MYO16: variants seen among roughly 807,000 people sequenced by gnomAD.
The protein encoded by MYO16 is myosin XVI.
In MYO16, 94 loss-of-function variants were observed where a neutral mutation model predicts 205.3. That is an observed-to-expected ratio of 0.46 (90% CI 0.39 to 0.54). The LOEUF is 0.54. Among genes scored for constraint, MYO16 ranks in the 20% least tolerant of loss-of-function variants. The pLI is 0.00. For synonymous variants in MYO16, 988 were observed against 954.0 expected (o/e 1.04, Z -0.66); for missense variants, 2,315 against 2,387.5 (o/e 0.97, Z 0.63).
In MYO16 at chr13:108,631,911, C is replaced by G. The variant is rs143439552; in HGVS notation, c.28+2039C>G. Among the ~76,000 whole-genome samples, 1,068 of 152,066 alleles carry G rather than the reference C, an allele frequency of 7.0e-3. 38 individuals are homozygous for G. Among genetic ancestry groups the G allele is most frequent in the Non-Finnish European group, 1.6e-3 (106 of 67,976 alleles). On this transcript the variant is annotated intron_variant, in intron 1 of 34. Transcript: ENST00000457511. ...TGGCCAACATAGTGAAACCCTGTCTCTACTAAAAATACAAAATTTTGCTGG... is the reference window on the plus strand; with the variant it reads ...TGGCCAACATAGTGAAACCCTGTCTGTACTAAAAATACAAAATTTTGCTGG...
intron 16 of MYO16, among the ~76,000 whole-genome samples, chr13:108,944,099 T>G (rs1882842415): frequency 1.3e-5 from 2 of 152,254 alleles, no homozygotes; most frequent in Admixed American, 1.3e-4. Context: ...CAGGGTATTG[T>G]ACTTCTGACT....
At position 108,601,864 on chromosome 13, in the gene MYO16, G is replaced by A. The variant is rs139265160; in HGVS notation, c.-39+5625G>A. On this transcript the variant is annotated intron_variant, in intron 1 of 24. Coordinates refer to the MYO16 transcript ENST00000251041. ...CATTTCCTCAGGCCTCTCAATTTGG[G>A]AGAGTGTGACTTTGAAATTGGTGCT... Among the ~76,000 whole-genome samples, 596 of 152,124 alleles carry A rather than the reference G, an allele frequency of 3.9e-3. 15 individuals are homozygous for A. The South Asian group carries it at 0.076, about 19-fold the overall frequency.
intron 27 of MYO16, among the ~76,000 whole-genome samples, chr13:109,098,978 G>A (rs1027761123): frequency 6.6e-6 from 1 of 152,004 alleles, no homozygotes; most frequent in Admixed American, 6.6e-5. Flanking sequence ...AATGTCAAAC[G>A]ACCCTAGAAT....
At chr13:109,150,637 C>A (rs1038106927) in intron 32 of MYO16, among the ~76,000 whole-genome samples, 11 of 152,180 alleles carry the variant, frequency 7.2e-5, no homozygotes, top group Admixed American at 7.2e-4. Context: ...ACAAAGAAGC[C>A]TTTACAACCG....
At chr13:108,838,239 G>A (rs921670373) in intron 9 of MYO16, among the ~76,000 whole-genome samples, 1 of 151,892 alleles carries the variant, frequency 6.6e-6, no homozygotes, top group Non-Finnish European at 1.5e-5. Flanking sequence ...ACTTTATAAT[G>A]TTGTTGTGAA....
chr13:108,584,761 G>A, the MYO16 span, among the ~76,000 whole-genome samples: 2 of 152,146 alleles, frequency 1.3e-5, no homozygotes, highest in African/African-American at 4.8e-5. Context: ...TCAGGTACAT[G>A]TCTGTTAGAG....
At chr13:108,873,157 C>A (rs1172163402) in intron 12 of MYO16, among the ~76,000 whole-genome samples, 6 of 152,082 alleles carry the variant, frequency 3.9e-5, no homozygotes, top group Admixed American at 3.3e-4. Flanking sequence ...TGTATTATGT[C>A]TGTTGTTTTA....
chr13:108,711,481 T>C (rs1446173144), intron 2 of MYO16, among the ~76,000 whole-genome samples: 2 of 152,230 alleles, frequency 1.3e-5, no homozygotes, highest in Non-Finnish European at 2.9e-5. Context: ...GTGGCCAGGA[T>C]GCACGGGGCA....
chr13:108,711,839 T>A (rs1346058088), intron 2 of MYO16, among the ~76,000 whole-genome samples: 3 of 152,184 alleles, frequency 2.0e-5, no homozygotes, highest in African/African-American at 7.2e-5. Context: ...AAAGAGTAAT[T>A]GTTGCTTTAA....
intron 23 of MYO16, among the ~76,000 whole-genome samples, chr13:109,023,787 C>T (rs1886253055): frequency 7.9e-6 from 1 of 126,480 alleles, no homozygotes; most frequent in African/African-American, 2.8e-5. Context: ...ATATTATATG[C>T]ATATTCTACA....
intron 5 of MYO16, among the ~76,000 whole-genome samples, chr13:108,789,974 A>G (rs953907347): frequency 5.3e-5 from 8 of 152,190 alleles, no homozygotes; most frequent in Non-Finnish European, 1.2e-4. Flanking sequence ...AAGGCATCAC[A>G]GAAGTGTCAC....
intron 4 of MYO16, among the ~76,000 whole-genome samples, chr13:108,746,839 A>G (rs1885079453): frequency 6.6e-6 from 1 of 152,166 alleles, no homozygotes; most frequent in Non-Finnish European, 1.5e-5. Context: ...CCCAAAAAAC[A>G]GCTTTACTTA....
the MYO16 span, among the ~76,000 whole-genome samples, chr13:108,542,319 A>G: frequency 6.6e-6 from 1 of 152,070 alleles, no homozygotes; most frequent in African/African-American, 2.4e-5. Context: ...ACTTAAGGGA[A>G]GAATTTGGGA....
chr13:108,647,224 C>A (rs1446628622), intron 1 of MYO16, among the ~76,000 whole-genome samples: 1 of 152,118 alleles, frequency 6.6e-6, no homozygotes, highest in Non-Finnish European at 1.5e-5. Flanking sequence ...TAATCCCTAT[C>A]ATTTACCCCG....
At chr13:108,717,940 G>A (rs555216383) in intron 3 of MYO16, among the ~76,000 whole-genome samples, 89 of 152,226 alleles carry the variant, frequency 5.8e-4, no homozygotes, top group Admixed American at 1.3e-3. Flanking sequence ...TATAAAATTA[G>A]TTAAGACTGT....
chr13:108,805,925 A>AAAATAAATAAAT (rs113156198), intron 6 of MYO16, among the ~76,000 whole-genome samples: 21,334 of 136,858 alleles, frequency 0.16, 1,842 homozygotes, highest in African/African-American at 0.18. Flanking sequence ...AGTCTCTACC[A>AAAATAAATAAAT]AAATAAATAA....
chr13:108,611,236 C>T (rs1344087766), intron 1 of MYO16, among the ~76,000 whole-genome samples: 1 of 151,866 alleles, frequency 6.6e-6, no homozygotes, highest in Non-Finnish European at 1.5e-5. Flanking sequence ...GTTTTAAAGA[C>T]CTGGGTGGTG....
Position 108,889,794 on chromosome 13 carries a change from C to A in MYO16, c.1659+1317C>A, listed in dbSNP as rs540262917. ...CATGGGTACACCAGCAGCTCTGGAT[C>A]CTAATCTCCATACTGCCTCTCATTC... On this transcript the variant is annotated intron_variant, in intron 14 of 34. Transcript: ENST00000457511. Among the ~76,000 whole-genome samples the A allele has an allele frequency of 3.3e-5, 5 of 152,336 alleles. No homozygotes were observed. In the South Asian group the frequency reaches 1.0e-3, roughly 32 times the overall value.
chr13:108,505,001 G>A, the MYO16 span, among the ~76,000 whole-genome samples: 6 of 152,196 alleles, frequency 3.9e-5, no homozygotes, highest in South Asian at 1.0e-3. Context: ...TTACTTTTAA[G>A]GCTGAATAAT....
Sources: allele counts gnomAD v4.1 joint callset (sites outside exome capture counted in the v4.1 genomes callset), GRCh38; gene constraint gnomAD v4.1.1; transcripts MANE v1.5; gene names NCBI Gene and HGNC (gene_info 2026-07-23, HGNC 2026-07-21).